The following ZNF724 variants were observed in gnomAD, a reference collection of about 807,000 sequenced individuals.
The protein encoded by ZNF724 is zinc finger protein 724 pseudogene.
In ZNF724, 14 loss-of-function variants were observed where a neutral mutation model predicts 29.3. The observed-to-expected ratio is 0.48, with a 90% CI of 0.32 to 0.75. The LOEUF (loss-of-function observed/expected upper bound fraction) is 0.75. Among genes scored for constraint, ZNF724 ranks in the 30% least tolerant of loss-of-function variants. ZNF724 has a pLI of 0.04. For synonymous variants in ZNF724, 180 were observed against 193.6 expected (o/e 0.93, Z 0.58); for missense variants, 557 against 571.2 (o/e 0.98, Z 0.25).
chr19:23,250,269 C>A lies in ZNF724; in HGVS notation c.-27G>T, dbSNP rs933076091. On this transcript the variant is annotated 5_prime_UTR_variant, in exon 1 of 4. Coordinates refer to ENST00000418100, the MANE Select transcript of ZNF724 (RefSeq NM_001355404.2). ...TCTAGGCTTCCAGGGGAGGCCCTGG[C>A]GTCTTAGCTGTGGATCTCCCAATGC... The A allele has an allele frequency of 5.8e-6, 4 of 684,820 alleles. No individual in the cohort carries two copies. The highest frequency in any genetic ancestry group is 1.0e-5 in the Non-Finnish European group (4 of 394,024). The allele number at this position is 684,820 out of a possible 1,614,324, so 42.4% of individuals were successfully genotyped here.
At chr19:23,227,568 A>C (rs1055528577) in intron 3 of ZNF724, among the ~76,000 whole-genome samples, 7 of 110,698 alleles carry the variant, frequency 6.3e-5, no homozygotes, top group Admixed American at 2.2e-4. Context: ...AAAAAAAAAA[A>C]AACAAAAAAA....
chr19:23,236,551 C>G (rs1972024096), intron 1 of ZNF724: 1 of 153,306 alleles, frequency 6.5e-6, no homozygotes, highest in Non-Finnish European at 1.5e-5. Context: ...AGAAAAATCG[C>G]TCTTCATCTT....
intron 3 of ZNF724, among the ~76,000 whole-genome samples, chr19:23,227,937 C>A (rs566131531): frequency 6.6e-6 from 1 of 151,850 alleles, no homozygotes; most frequent in Non-Finnish European, 1.5e-5. Context: ...ATTAGTTTGA[C>A]GGAAAAATAA....
In ZNF724 at chr19:23,238,321, C is replaced by T. The variant is rs555320884; in HGVS notation, c.4-6028G>A. Reference sequence around the variant, plus strand: ...CAGAGCTTGCAATGAGCCCAGATCACGCCAATGCACTCCAGCCTGGAAGCG... The same window carrying T: ...CAGAGCTTGCAATGAGCCCAGATCATGCCAATGCACTCCAGCCTGGAAGCG... On this transcript the variant is annotated intron_variant, in intron 1 of 3. Transcript: ENST00000418100. Among the ~76,000 whole-genome samples, 251 of 151,772 alleles carry T rather than the reference C, an allele frequency of 1.7e-3. 3 individuals carry two copies. Among genetic ancestry groups the T allele is most frequent in the African/African-American group, 5.9e-3 (244 of 41,418 alleles).
At chr19:23,226,733 A>G (rs1971834657) in intron 3 of ZNF724, among the ~76,000 whole-genome samples, 1 of 152,178 alleles carries the variant, frequency 6.6e-6, no homozygotes, top group Non-Finnish European at 1.5e-5. Flanking sequence ...AAAAATATAT[A>G]CAAGATAGGC....
At chr19:23,246,304 T>C (rs1972232228) in intron 1 of ZNF724, among the ~76,000 whole-genome samples, 1 of 151,596 alleles carries the variant, frequency 6.6e-6, no homozygotes, top group Non-Finnish European at 1.5e-5. Flanking sequence ...TTATAAATCA[T>C]GTAGTAAACA....
At chr19:23,227,334 C>G (rs1252560054) in intron 3 of ZNF724, among the ~76,000 whole-genome samples, 1 of 152,098 alleles carries the variant, frequency 6.6e-6, no homozygotes, top group African/African-American at 2.4e-5. Context: ...GCAGGTGGAT[C>G]ACTTGAGGTC....
At chr19:23,238,913 C>A (rs1972067247) in intron 1 of ZNF724, among the ~76,000 whole-genome samples, 1 of 152,046 alleles carries the variant, frequency 6.6e-6, no homozygotes. Flanking sequence ...TCTCAAAAAA[C>A]AAAAACAGCT....
At chr19:23,238,589 C>G (rs751699815) in intron 1 of ZNF724, among the ~76,000 whole-genome samples, 7 of 151,948 alleles carry the variant, frequency 4.6e-5, no homozygotes, top group Non-Finnish European at 1.0e-4. Context: ...AAAATAAAGA[C>G]TCTTATTTCT....
chr19:23,227,874 T>C (rs990149321), intron 3 of ZNF724, among the ~76,000 whole-genome samples: 7 of 152,176 alleles, frequency 4.6e-5, no homozygotes, highest in African/African-American at 1.7e-4. Context: ...TATGTGTCAA[T>C]CTAAAATTAC....
At chr19:23,238,331 C>CTCCA (rs1435190407) in intron 1 of ZNF724, among the ~76,000 whole-genome samples, 9 of 151,616 alleles carry the variant, frequency 5.9e-5, no homozygotes, top group African/African-American at 1.9e-4. Context: ...CGCCAATGCA[C>CTCCA]TCCAGCCTGG....
intron 3 of ZNF724, among the ~76,000 whole-genome samples, chr19:23,224,770 T>C (rs1306144924): frequency 2.6e-5 from 4 of 151,774 alleles, no homozygotes; most frequent in African/African-American, 9.7e-5. Context: ...CCCCGGCCAA[T>C]ATGGCGAAAC....
intron 1 of ZNF724, among the ~76,000 whole-genome samples, chr19:23,241,056 A>AACAAC (rs1568344851): frequency 0.014 from 2,038 of 150,526 alleles, 60 homozygotes; most frequent in African/African-American, 0.047. Flanking sequence ...ACAACAACAA[A>AACAAC]AAAAAAAGAC....
intron 1 of ZNF724, among the ~76,000 whole-genome samples, chr19:23,238,190 C>G (rs151323328): frequency 3.3e-5 from 5 of 151,960 alleles, no homozygotes; most frequent in Admixed American, 6.6e-5. Flanking sequence ...ACGGTGAAAC[C>G]CCATCTCTAC....
chr19:23,222,696 G>C lies in ZNF724; in HGVS notation c.1549C>G (p.Gln517Glu). Reference protein sequence around the residue: ...KCKECGKAFNQSSTLARHKII... With the variant: ...KCKECGKAFNESSTLARHKII... ...TTATGTCTAGCAAGTGTCGAGGATTGGTTAAAAGCTTTGCCACATTCTTTA... is the reference window on the plus strand; with the variant it reads ...TTATGTCTAGCAAGTGTCGAGGATTCGTTAAAAGCTTTGCCACATTCTTTA... Residue 517 changes from glutamine (Q) to glutamate (E), a missense_variant, in exon 4 of 4, where the codon CAA (glutamine) becomes GAA (glutamate). Physicochemically the swap from Gln to Glu is conservative, Grantham distance 29 (BLOSUM62 2). Coordinates refer to ENST00000418100, the MANE Select transcript of ZNF724 (RefSeq NM_001355404.2). The C allele has an allele frequency of 7.1e-7, 1 of 1,400,148 alleles. No homozygotes were observed. Among genetic ancestry groups the C allele is most frequent in the Non-Finnish European group, 1.0e-6 (1 of 987,054 alleles). The allele number at this position is 1,400,148 out of a possible 1,614,324, so 86.7% of individuals were successfully genotyped here.
chr19:23,243,052 A>G (rs949027002), intron 1 of ZNF724, among the ~76,000 whole-genome samples: 1 of 144,196 alleles, frequency 6.9e-6, no homozygotes, highest in South Asian at 2.3e-4. Context: ...AAAAAAAAAA[A>G]AAAAAAGAAA....
chr19:23,244,171 G>A (rs982080697), intron 1 of ZNF724, among the ~76,000 whole-genome samples: 3 of 151,556 alleles, frequency 2.0e-5, no homozygotes, highest in Non-Finnish European at 4.4e-5. Context: ...GGTCCATGCA[G>A]GCACGTGAGA....
chr19:23,222,920 A>G lies in ZNF724; in HGVS notation c.1325T>C (p.Ile442Thr), dbSNP rs773754300. The G allele has an allele frequency of 7.2e-6, 10 of 1,382,112 alleles. No homozygotes were observed. The highest frequency in any genetic ancestry group is 1.0e-5 in the Non-Finnish European group (10 of 974,066). The allele number at this position is 1,382,112 out of a possible 1,614,324, so 85.6% of individuals were successfully genotyped here. Residue 442 changes from isoleucine (I) to threonine (T), a missense_variant, in exon 4 of 4, where the codon ATA (isoleucine) becomes ACA (threonine). Physicochemically the swap from Ile to Thr is moderately conservative, Grantham distance 89. Coordinates refer to ENST00000418100, the MANE Select transcript of ZNF724 (RefSeq NM_001355404.2). ...NQFSQLTTHK[I>T]IHTGEKPYKC... ...GTAGGGTTTCTCTCCAGTATGAATT[A>G]TCTTATGTGTAGTAAGTTGTGAGAA...
At chr19:23,233,816 C>G (rs1337083533) in intron 1 of ZNF724, among the ~76,000 whole-genome samples, 1 of 150,960 alleles carries the variant, frequency 6.6e-6, no homozygotes, top group Non-Finnish European at 1.5e-5. Flanking sequence ...AAAAATGCCA[C>G]TTTTTCCTCT....
Sources: gnomAD v4.1 joint callset for allele counts (sites outside exome capture counted in the v4.1 genomes callset) on GRCh38, gnomAD v4.1.1 for gene constraint, MANE v1.5 for transcripts, NCBI Gene and HGNC (gene_info 2026-07-23, HGNC 2026-07-21) for gene names.